Variants in AOPEP observed in about 807,000 individuals in gnomAD.
AOPEP encodes aminopeptidase O (putative).
Under a neutral mutation model 98.1 loss-of-function variants are expected in AOPEP, and 77 were observed. The ratio of observed to expected loss-of-function variants is 0.78; its 90% CI spans 0.65 to 0.95. AOPEP has a LOEUF of 0.95. AOPEP is among the 40% of genes least tolerant of loss of function. The pLI is 0.00. For missense variants in AOPEP, 1,024 were observed against 1,024.7 expected, an observed-to-expected ratio of 1.00 and a Z score of 0.01; for synonymous variants, 346 against 365.3, an observed-to-expected ratio of 0.95 and a Z score of 0.60.
rs1305063111 is a variant in AOPEP, at chr9:95,086,175, C to T, written c.*5-507C>T. On this transcript the variant is annotated intron_variant, in intron 16 of 16. Transcript: ENST00000375315. ...CTCCCACTCGCGGCAGACAGGCCCG[C>T]GTCCACCCTGCGTCCACCCCGGCCC... 2.9e-5 allele frequency: 38 copies of T among 1,323,738 alleles called. No homozygotes were observed. In the Middle Eastern group the frequency reaches 1.6e-3, roughly 55 times the overall value. 82.0% of individuals were successfully genotyped at this position (1,323,738 alleles called of 1,614,324 possible). A position where few individuals can be genotyped will look rare whatever the true frequency, so the allele number is the denominator to read the frequency against.
At chr9:95,052,004 A>G (rs956320364) in intron 13 of AOPEP, among the ~76,000 whole-genome samples, 1 of 152,198 alleles carries the variant, frequency 6.6e-6, no homozygotes, top group African/African-American at 2.4e-5. Context: ...TGCCTGGCCT[A>G]TGAAACTTTT....
rs192984766 is a variant in AOPEP, at chr9:95,029,195, G to C, written c.2115+23579G>C. On this transcript the variant is annotated intron_variant, in intron 13 of 16. Transcript: ENST00000375315. ...CCGTGCACTCTCTTGGGGAAACTGG[G>C]GGTGCCAGAAGACCAGCCACACATT... 1.5e-3 allele frequency among the ~76,000 whole-genome samples: 225 copies of C among 152,334 alleles called. 1 individual carries two copies. The highest frequency in any genetic ancestry group is 3.1e-3 in the Admixed American group (48 of 15,308).
At chr9:94,915,711 C>T (rs1157894267) in intron 5 of AOPEP, among the ~76,000 whole-genome samples, 18 of 152,246 alleles carry the variant, frequency 1.2e-4, no homozygotes, top group South Asian at 2.1e-4. Flanking sequence ...TACTTCGTGT[C>T]TGCTTTCACC....
intron 3 of AOPEP, among the ~76,000 whole-genome samples, chr9:94,781,715 C>A (rs1843294077): frequency 6.6e-6 from 1 of 151,388 alleles, no homozygotes; most frequent in South Asian, 2.1e-4. Context: ...CACCCGCCAC[C>A]ACGCCTGGCT....
At chr9:95,070,919 T>C (rs2068437017) in intron 14 of AOPEP, among the ~76,000 whole-genome samples, 1 of 152,216 alleles carries the variant, frequency 6.6e-6, no homozygotes, top group African/African-American at 2.4e-5. Context: ...CAGATTTCCT[T>C]GTACCCTCTG....
At chr9:94,983,984 T>C (rs763257956) in intron 11 of AOPEP, among the ~76,000 whole-genome samples, 3 of 151,974 alleles carry the variant, frequency 2.0e-5, no homozygotes, top group Admixed American at 6.6e-5. Context: ...ATGCACTAGC[T>C]ACATGTGGTT....
intron 13 of AOPEP, among the ~76,000 whole-genome samples, chr9:95,056,978 A>T (rs1011304657): frequency 3.9e-5 from 6 of 152,226 alleles, no homozygotes; most frequent in Non-Finnish European, 8.8e-5. Flanking sequence ...GCATTTTAAA[A>T]ATAATGAGCT....
intron 13 of AOPEP, among the ~76,000 whole-genome samples, chr9:95,054,799 T>C (rs1278827537): frequency 6.6e-6 from 1 of 152,258 alleles, no homozygotes; most frequent in African/African-American, 2.4e-5. Context: ...AATTTGTTTA[T>C]AGACATACTC....
chr9:94,993,819 T>G (rs1371435910), intron 11 of AOPEP, among the ~76,000 whole-genome samples: 1 of 152,180 alleles, frequency 6.6e-6, no homozygotes, highest in African/African-American at 2.4e-5. Flanking sequence ...TTTATTGGCA[T>G]GAACATGCAT....
intron 13 of AOPEP, among the ~76,000 whole-genome samples, chr9:95,045,819 G>T (rs1405987755): frequency 6.6e-6 from 1 of 152,212 alleles, no homozygotes; most frequent in Non-Finnish European, 1.5e-5. Flanking sequence ...ACGAACTTGA[G>T]GCCAGTTGAG....
At chr9:94,851,548 C>T (rs892896946) in intron 5 of AOPEP, among the ~76,000 whole-genome samples, 13 of 151,738 alleles carry the variant, frequency 8.6e-5, no homozygotes, top group African/African-American at 2.7e-4. Flanking sequence ...TTTCCCCTGA[C>T]GAGCCTTCCC....
chr9:95,125,327 C>T, the AOPEP span: 13 of 717,968 alleles, frequency 1.8e-5, no homozygotes, highest in Non-Finnish European at 3.0e-5. Context: ...GATTTCAGTC[C>T]TTGTGTGAAA....
At chr9:94,908,483 G>A (rs2051504219) in intron 5 of AOPEP, among the ~76,000 whole-genome samples, 2 of 152,186 alleles carry the variant, frequency 1.3e-5, no homozygotes, top group South Asian at 4.1e-4. Context: ...TATAAGAAGT[G>A]GGGAAGGGAA....
At position 94,963,586 on chromosome 9, in the gene AOPEP, A is replaced by AT. The variant is rs560318339; in HGVS notation, c.1873-4170dup. Among the ~76,000 whole-genome samples, 7 of 149,574 alleles carry AT rather than the reference A, an allele frequency of 4.7e-5. No individual in the cohort carries two copies. The South Asian group carries it at 1.3e-3, about 27-fold the overall frequency. ...CCCCTTCATAGATTTAAATAAATCT[A>AT]TTGTTTTATCAATAGATTTTGGGGA... On this transcript the variant is annotated intron_variant, in intron 9 of 16. Transcript: ENST00000375315.
chr9:94,879,365 A>G lies in AOPEP; in HGVS notation c.1365-44621A>G, dbSNP rs977410189. Among the ~76,000 whole-genome samples the G allele has an allele frequency of 4.6e-5, 7 of 152,364 alleles. No individual in the cohort carries two copies. In the South Asian group the frequency reaches 8.3e-4, roughly 18 times the overall value. ...GGACAGCTTGGAGGTTAGAAACAAG[A>G]TGGAGTTGGTTAGCTCAGATCTCTT... On this transcript the variant is annotated intron_variant, in intron 5 of 16. Coordinates refer to ENST00000375315, the MANE Select transcript of AOPEP (RefSeq NM_001193329.3).
At chr9:94,967,149 T>C (rs904073527) in intron 9 of AOPEP, among the ~76,000 whole-genome samples, 1 of 152,160 alleles carries the variant, frequency 6.6e-6, no homozygotes, top group Non-Finnish European at 1.5e-5. Context: ...TGTATGTGTG[T>C]GTAAGCCATG....
At chr9:95,114,724 G>C in the AOPEP span, 1 of 1,612,220 alleles carries the variant, frequency 6.2e-7, no homozygotes, top group South Asian at 1.1e-5. Flanking sequence ...CGGGTGGAGA[G>C]AGATACGTCA....
chr9:95,073,560 C>T (rs1180460435), intron 14 of AOPEP, among the ~76,000 whole-genome samples: 1 of 151,842 alleles, frequency 6.6e-6, no homozygotes, highest in African/African-American at 2.4e-5. Flanking sequence ...GTGGCTCACA[C>T]CTGTAATCCC....
At chr9:95,066,231 G>GAA (rs2067871445) in intron 14 of AOPEP, among the ~76,000 whole-genome samples, 1 of 152,090 alleles carries the variant, frequency 6.6e-6, no homozygotes, top group Non-Finnish European at 1.5e-5. Flanking sequence ...ATCCTTCTTA[G>GAA]GGTTTTCTTT....
Sources: allele counts gnomAD v4.1 joint callset (sites outside exome capture counted in the v4.1 genomes callset), GRCh38; gene constraint gnomAD v4.1.1; transcripts MANE v1.5; gene names NCBI Gene and HGNC (gene_info 2026-07-23, HGNC 2026-07-21).